Variants in SGCZ observed in about 807,000 individuals in gnomAD.
SGCZ encodes the protein sarcoglycan zeta, also known as zeta-sarcoglycan.
A neutral mutation model predicts 41.3 loss-of-function variants in SGCZ; 40 were observed. The ratio of observed to expected loss-of-function variants is 0.97; its 90% CI spans 0.75 to 1.26. The LOEUF (loss-of-function observed/expected upper bound fraction) is 1.26, where lower values mean the gene tolerates loss of function less well. Ranked by LOEUF, SGCZ falls within the 50% of genes most tolerant of loss-of-function variation. The pLI is 0.00. For synonymous variants in SGCZ, 206 were observed against 137.5 expected, an observed-to-expected ratio of 1.50 and a Z score of -3.49; for missense variants, 552 against 369.8, an observed-to-expected ratio of 1.49 and a Z score of -4.04.
chr8:15,222,377 C>A (rs559034950), intron 1 of SGCZ, among the ~76,000 whole-genome samples: 5 of 152,026 alleles, frequency 3.3e-5, no homozygotes, highest in Middle Eastern at 3.4e-3. Context: ...AAGAGTCCAG[C>A]ATTAATGACA....
chr8:14,253,209 AAAAATATG>A, intron 3 of SGCZ, among the ~76,000 whole-genome samples: 1 of 17,788 alleles, frequency 5.6e-5, no homozygotes, highest in East Asian at 3.7e-3. Context: ...ATATGCTTCT[AAAAATATG>A]CTTCTAAAAA....
chr8:14,970,905 AT>A (rs1334474851), intron 1 of SGCZ, among the ~76,000 whole-genome samples: 1 of 152,140 alleles, frequency 6.6e-6, no homozygotes, highest in Non-Finnish European at 1.5e-5. Flanking sequence ...CATGCTAACA[AT>A]GTTGTATCTT....
chr8:14,235,101 T>C (rs1193430302), intron 4 of SGCZ, among the ~76,000 whole-genome samples: 1 of 152,206 alleles, frequency 6.6e-6, no homozygotes, highest in Non-Finnish European at 1.5e-5. Flanking sequence ...ATTCAAAATG[T>C]GTCATTATCC....
chr8:14,207,958 CTAAA>C (rs1805672071), intron 4 of SGCZ, among the ~76,000 whole-genome samples: 1 of 152,080 alleles, frequency 6.6e-6, no homozygotes, highest in African/African-American at 2.4e-5. Context: ...TTTCATTCCT[CTAAA>C]TAAGGCAGAA....
intron 3 of SGCZ, among the ~76,000 whole-genome samples, chr8:14,275,607 G>T (rs1800201329): frequency 6.6e-6 from 1 of 152,098 alleles, no homozygotes; most frequent in African/African-American, 2.4e-5. Context: ...CTTACCCCAG[G>T]AATACTGTCC....
intron 4 of SGCZ, among the ~76,000 whole-genome samples, chr8:14,200,032 A>C (rs1293774841): frequency 6.6e-6 from 1 of 152,196 alleles, no homozygotes; most frequent in Non-Finnish European, 1.5e-5. Flanking sequence ...ACAGAAACGT[A>C]TTCTTATTGA....
intron 4 of SGCZ, among the ~76,000 whole-genome samples, chr8:14,212,155 C>T (rs976239171): frequency 6.6e-6 from 1 of 152,028 alleles, no homozygotes; most frequent in African/African-American, 2.4e-5. Context: ...TAGTAAGGAG[C>T]AATCCAGAAC....
intron 1 of SGCZ, among the ~76,000 whole-genome samples, chr8:14,754,651 G>C (rs1799601543): frequency 6.6e-6 from 1 of 152,064 alleles, no homozygotes; most frequent in African/African-American, 2.4e-5. Context: ...AATAAATAAT[G>C]GTTACATTTA....
chr8:15,170,243 T>G (rs2117061043), intron 1 of SGCZ, among the ~76,000 whole-genome samples: 1 of 152,302 alleles, frequency 6.6e-6, no homozygotes, highest in South Asian at 2.1e-4. Flanking sequence ...CCACCTTGAC[T>G]TTCATACATG....
intron 2 of SGCZ, among the ~76,000 whole-genome samples, chr8:14,359,273 T>G (rs1387987058): frequency 6.6e-6 from 1 of 152,126 alleles, no homozygotes; most frequent in East Asian, 1.9e-4. Context: ...AGCTCCAGTA[T>G]GTCTAGCGGT....
chr8:15,225,798 GTC>G (rs1419965868), intron 1 of SGCZ, among the ~76,000 whole-genome samples: 1 of 152,160 alleles, frequency 6.6e-6, no homozygotes, highest in Non-Finnish European at 1.5e-5. Context: ...AGAAGAATGT[GTC>G]TCTGGAGAAT....
At chr8:14,182,343 T>A (rs1390281804) in intron 4 of SGCZ, among the ~76,000 whole-genome samples, 3 of 152,102 alleles carry the variant, frequency 2.0e-5, no homozygotes, top group Non-Finnish European at 2.9e-5. Flanking sequence ...CTGGAGAGCA[T>A]CTGAGAACCA....
chr8:15,016,610 G>C (rs1029329285), intron 1 of SGCZ, among the ~76,000 whole-genome samples: 1 of 152,178 alleles, frequency 6.6e-6, no homozygotes, highest in African/African-American at 2.4e-5. Flanking sequence ...TAGGTTAAGA[G>C]CATAGTGCCT....
intron 7 of SGCZ, among the ~76,000 whole-genome samples, chr8:14,100,398 T>C (rs1801977763): frequency 6.6e-6 from 1 of 150,814 alleles, no homozygotes. Flanking sequence ...AAGTTACCAT[T>C]ATCAAAGCAA....
chr8:14,926,682 C>A (rs908115462), intron 1 of SGCZ, among the ~76,000 whole-genome samples: 3 of 151,798 alleles, frequency 2.0e-5, no homozygotes, highest in African/African-American at 7.3e-5. Context: ...CGCTCTGTTG[C>A]CAGACTGGAG....
intron 1 of SGCZ, among the ~76,000 whole-genome samples, chr8:14,916,098 A>G (rs57303044): frequency 0.012 from 1,869 of 152,296 alleles, 40 homozygotes; most frequent in African/African-American, 0.04. Context: ...CAGTAGTACC[A>G]CCTATATAAG....
chr8:14,680,677 C>G (rs1268224315), intron 1 of SGCZ, among the ~76,000 whole-genome samples: 2 of 149,254 alleles, frequency 1.3e-5, no homozygotes, highest in Non-Finnish European at 3.0e-5. Flanking sequence ...TTGTACGGAG[C>G]AAGAAATCTC....
At chr8:14,779,668 G>C (rs1055988054) in intron 1 of SGCZ, among the ~76,000 whole-genome samples, 6 of 152,142 alleles carry the variant, frequency 3.9e-5, no homozygotes, top group Non-Finnish European at 8.8e-5. Flanking sequence ...AACGTGCATA[G>C]GTATTACATA....
chr8:14,451,916 G>T (rs1041151233), intron 2 of SGCZ, among the ~76,000 whole-genome samples: 1 of 152,188 alleles, frequency 6.6e-6, no homozygotes. Flanking sequence ...TTGAAAGGTA[G>T]TTTAATAGTT....
Sources: gnomAD v4.1 joint callset for allele counts (sites outside exome capture counted in the v4.1 genomes callset) on GRCh38, gnomAD v4.1.1 for gene constraint, MANE v1.5 for transcripts, NCBI Gene and HGNC (gene_info 2026-07-23, HGNC 2026-07-21) for gene names.